Variants in ZNF143 observed in about 807,000 individuals in gnomAD.
The protein encoded by ZNF143 is SPH-binding factor.
ZNF143 carries 49 observed loss-of-function variants against 74.1 expected under a neutral mutation model. The ratio of observed to expected loss-of-function variants is 0.66; its 90% confidence interval spans 0.53 to 0.84. The LOEUF is 0.84. Among genes scored for constraint, ZNF143 ranks in the 40% least tolerant of loss-of-function variants. ZNF143 has a pLI of 0.00. For missense variants in ZNF143, 637 were observed against 793.4 expected, an observed-to-expected ratio of 0.80 and a Z score of 2.37; for synonymous variants, 304 against 282.8, an observed-to-expected ratio of 1.07 and a Z score of -0.75.
chr11:9,477,760 A>G (rs1847070104), intron 5 of ZNF143, among the ~76,000 whole-genome samples: 1 of 152,154 alleles, frequency 6.6e-6, no homozygotes, highest in East Asian at 1.9e-4. Context: ...CATGAGTTCA[A>G]ATCCTGATTT....
In ZNF143 at chr11:9,526,924, A is replaced by C. The variant is rs576120114; in HGVS notation, c.1834-606A>C. Among the ~76,000 whole-genome samples the C allele has an allele frequency of 7.2e-5, 11 of 152,272 alleles. No homozygotes were observed. The East Asian group carries it at 2.1e-3, about 29-fold the overall frequency. On this transcript the variant is annotated intron_variant, in intron 15 of 15. Coordinates refer to ENST00000396602, the MANE Select transcript of ZNF143 (RefSeq NM_003442.6). ...ACTGCAAGCTCCGCCTCCTGGGTTC[A>C]TGCCATTCTCCTCCCTCAGCCTCCC...
rs1491437312 is a variant in ZNF143 at position 9,486,376 on chromosome 11, ATT to A, written c.645+6831_645+6832del. On this transcript the variant is annotated intron_variant, in intron 7 of 15. Transcript: ENST00000396602. ...ATTATATATATATTATATATAATAT[ATT>A]ATATATATAATATATATAATATATT... is the stretch of plus-strand genomic sequence containing the variant. Among the ~76,000 whole-genome samples the A allele has an allele frequency of 9.2e-4, 36 of 38,992 alleles. 1 individual carries two copies. The highest frequency in any genetic ancestry group is 1.5e-3 in the Non-Finnish European group (32 of 21,358). The allele number at this position is 38,992 out of a possible 152,430, so 25.6% of individuals were successfully genotyped here.
intron 7 of ZNF143, among the ~76,000 whole-genome samples, chr11:9,491,192 G>A (rs1444649159): frequency 6.6e-6 from 1 of 152,080 alleles, no homozygotes; most frequent in Non-Finnish European, 1.5e-5. Flanking sequence ...TGAGTCTAGT[G>A]TGGACAACAT....
chr11:9,490,970 C>T (rs1847751963), intron 7 of ZNF143, among the ~76,000 whole-genome samples: 2 of 152,202 alleles, frequency 1.3e-5, no homozygotes, highest in African/African-American at 4.8e-5. Flanking sequence ...TGGGCTCACG[C>T]GATCCTCCCA....
intron 7 of ZNF143, among the ~76,000 whole-genome samples, chr11:9,481,736 G>A (rs1264971801): frequency 6.6e-6 from 1 of 151,372 alleles, no homozygotes; most frequent in Non-Finnish European, 1.5e-5. Context: ...AAAAATACAA[G>A]AATTAGTTGG....
intron 2 of ZNF143, among the ~76,000 whole-genome samples, chr11:9,472,445 G>T (rs1856636191): frequency 6.6e-6 from 1 of 152,046 alleles, no homozygotes; most frequent in South Asian, 2.1e-4. Flanking sequence ...GTAGAGACGG[G>T]GTTTCACCTC....
intron 8 of ZNF143, among the ~76,000 whole-genome samples, 168 bp from the exon 9 acceptor site, chr11:9,496,135 C>T (rs767526497): frequency 4.6e-5 from 7 of 151,974 alleles, no homozygotes; most frequent in Non-Finnish European, 7.4e-5. Context: ...ACATTTAGGT[C>T]TATATTGAGA....
intron 14 of ZNF143, among the ~76,000 whole-genome samples, chr11:9,521,527 C>T (rs1159995947): frequency 6.6e-6 from 1 of 151,660 alleles, no homozygotes; most frequent in Non-Finnish European, 1.5e-5. Context: ...ATTAGGACAC[C>T]ACCATCTATG....
Position 9,501,133 on chromosome 11 carries a change from C to G in ZNF143, c.1010C>G (p.Ser337Cys). The change falls in exon 11 of 16, where the codon TCC becomes TGC. Residue 337 changes from serine (S) to cysteine (C), a missense_variant. Coordinates refer to ENST00000396602, the MANE Select transcript of ZNF143 (RefSeq NM_003442.6). ...FKCPFEGCGR[S>C]FTTSNIRKVH... ...TGTCCCTTCGAAGGCTGCGGTCGGT[C>G]CTTTACAACATCAAATATCAGAAAA... 1.2e-6 allele frequency: 2 copies of G among 1,614,120 alleles called. No individual in the cohort carries two copies. Among genetic ancestry groups the G allele is most frequent in the East Asian group, 2.2e-5 (1 of 44,884 alleles).
At chr11:9,473,920 G>T (rs755029214) in intron 3 of ZNF143, 21 bp from the exon 4 acceptor site, 29 of 1,613,682 alleles carry the variant, frequency 1.8e-5, no homozygotes, top group Admixed American at 3.3e-5. Context: ...CCAATTTATT[G>T]TCTTGAATCT....
intron 7 of ZNF143, among the ~76,000 whole-genome samples, chr11:9,480,483 A>G (rs904061748): frequency 1.3e-5 from 2 of 152,218 alleles, no homozygotes; most frequent in African/African-American, 4.8e-5. Flanking sequence ...GAGCATTAAC[A>G]TGACCACTTA....
chr11:9,469,832 G>T (rs187002494), intron 1 of ZNF143, among the ~76,000 whole-genome samples: 2 of 152,182 alleles, frequency 1.3e-5, no homozygotes, highest in Admixed American at 6.5e-5. Flanking sequence ...CCAGGTGTGA[G>T]CCACTGCACC....
At chr11:9,522,685 G>A (rs941258017) in intron 14 of ZNF143, among the ~76,000 whole-genome samples, 4 of 151,554 alleles carry the variant, frequency 2.6e-5, no homozygotes, top group African/African-American at 7.3e-5. Context: ...GTAGAGACGG[G>A]GTCTCACCAT....
chr11:9,476,758 T>TTTTTTTTA (rs1856923912), intron 5 of ZNF143, among the ~76,000 whole-genome samples: 1 of 104,266 alleles, frequency 9.6e-6, no homozygotes, highest in Non-Finnish European at 1.9e-5. Flanking sequence ...TTTTTTTTTT[T>TTTTTTTTA]TTTTTTTTTT....
chr11:9,526,346 C>T (rs1849125835), intron 15 of ZNF143, among the ~76,000 whole-genome samples: 1 of 151,850 alleles, frequency 6.6e-6, no homozygotes, highest in Admixed American at 6.6e-5. Context: ...AGAGCGAGAC[C>T]CTGTCTCAAA....
chr11:9,473,631 T>A, intron 3 of ZNF143: 1 of 500,182 alleles, frequency 2.0e-6, no homozygotes, highest in Non-Finnish European at 3.5e-6. Flanking sequence ...CTGGTCATGG[T>A]CACTGATTCT....
At chr11:9,495,764 C>T (rs1847936754) in intron 8 of ZNF143, among the ~76,000 whole-genome samples, 1 of 152,086 alleles carries the variant, frequency 6.6e-6, no homozygotes, top group Non-Finnish European at 1.5e-5. Flanking sequence ...AAAGAGTGTC[C>T]TGATGTGGTA....
intron 11 of ZNF143, among the ~76,000 whole-genome samples, chr11:9,506,314 C>G (rs938340460): frequency 1.3e-5 from 2 of 152,184 alleles, no homozygotes; most frequent in Non-Finnish European, 2.9e-5. Context: ...GCATGGGTGA[C>G]AGAGCGAGAC....
chr11:9,497,448 C>A (rs1847999792), intron 9 of ZNF143, among the ~76,000 whole-genome samples: 1 of 152,158 alleles, frequency 6.6e-6, no homozygotes, highest in Non-Finnish European at 1.5e-5. Flanking sequence ...CCAGGCTGAG[C>A]TCGAACTCCT....
Sources: gnomAD v4.1 joint callset for allele counts (sites outside exome capture counted in the v4.1 genomes callset) on GRCh38, gnomAD v4.1.1 for gene constraint, MANE v1.5 for transcripts, NCBI Gene and HGNC (gene_info 2026-07-23, HGNC 2026-07-21) for gene names.